Variants in ZNF385D observed in about 807,000 individuals in gnomAD.
ZNF385D encodes the protein zinc finger protein 385D.
A neutral mutation model predicts 35.8 loss-of-function variants in ZNF385D; 15 were observed. The observed-to-expected ratio is 0.42, with a 90% CI of 0.28 to 0.64. The LOEUF is 0.64. ZNF385D is among the 30% of genes least tolerant of loss of function. ZNF385D has a pLI of 0.23. For missense variants in ZNF385D, 474 were observed against 494.6 expected, an observed-to-expected ratio of 0.96 and a Z score of 0.39; for synonymous variants, 212 against 186.8, an observed-to-expected ratio of 1.13 and a Z score of -1.10.
intron 1 of ZNF385D, among the ~76,000 whole-genome samples, chr3:21,718,993 G>A (rs758201141): frequency 4.6e-5 from 7 of 152,006 alleles, no homozygotes; most frequent in African/African-American, 1.2e-4. Context: ...AATTTTAAGC[G>A]GCTACAAATT....
chr3:21,717,744 TTC>T (rs1351088244), intron 1 of ZNF385D, among the ~76,000 whole-genome samples: 1 of 152,206 alleles, frequency 6.6e-6, no homozygotes, highest in Non-Finnish European at 1.5e-5. Context: ...TTGGTTCTCA[TTC>T]TCTCTTATCT....
At position 22,038,335 on chromosome 3, in the gene ZNF385D, T is replaced by C. The variant is rs541182122; in HGVS notation, c.325+130482A>G. Among the ~76,000 whole-genome samples, 322 of 152,310 alleles carry C rather than the reference T, an allele frequency of 2.1e-3. 3 individuals carry two copies. The highest frequency in any genetic ancestry group is 7.3e-3 in the African/African-American group (303 of 41,580). ...TCATAATCCCTGGAGTCGAATTGCC[T>C]AGCTTAGAATACTGGCTTTCTCACT... On this transcript the variant is annotated intron_variant, in intron 3 of 5. Coordinates refer to the ZNF385D transcript ENST00000494108.
intron 3 of ZNF385D, among the ~76,000 whole-genome samples, chr3:22,075,027 A>T (rs1700397655): frequency 6.6e-6 from 1 of 151,900 alleles, no homozygotes; most frequent in African/African-American, 2.4e-5. Flanking sequence ...CCTCAATATT[A>T]ACTACATATT....
chr3:22,166,128 T>C (rs1706310449), intron 3 of ZNF385D, among the ~76,000 whole-genome samples: 1 of 152,110 alleles, frequency 6.6e-6, no homozygotes, highest in African/African-American at 2.4e-5. Context: ...ACCAAACCAA[T>C]ATGACCTAAG....
At chr3:21,775,369 A>G (rs142283489) in intron 3 of ZNF385D, among the ~76,000 whole-genome samples, 72 of 151,962 alleles carry the variant, frequency 4.7e-4, no homozygotes, top group African/African-American at 1.6e-3. Context: ...GAAAGTTATG[A>G]CCAGTGAGGA....
intron 2 of ZNF385D, among the ~76,000 whole-genome samples, chr3:21,632,166 G>A (rs532719338): frequency 8.6e-4 from 131 of 152,112 alleles, no homozygotes; most frequent in African/African-American, 3.0e-3. Context: ...AAAATGGGGG[G>A]AAACTTACAA....
At chr3:22,201,740 C>T (rs1237100415) in intron 2 of ZNF385D, among the ~76,000 whole-genome samples, 1 of 151,832 alleles carries the variant, frequency 6.6e-6, no homozygotes, top group African/African-American at 2.4e-5. Context: ...TGCATACATG[C>T]AGGAAGGCAT....
intron 4 of ZNF385D, among the ~76,000 whole-genome samples, chr3:21,475,417 T>C (rs796479363): frequency 1.9e-4 from 29 of 152,256 alleles, no homozygotes; most frequent in African/African-American, 6.3e-4. Context: ...TTCTCAAATA[T>C]CTAATGGCCC....
chr3:21,831,230 C>G (rs1200785354), intron 3 of ZNF385D, among the ~76,000 whole-genome samples: 1 of 151,998 alleles, frequency 6.6e-6, no homozygotes, highest in Non-Finnish European at 1.5e-5. Context: ...TCATTCCCTT[C>G]AAAATTTAAC....
chr3:21,987,251 T>C (rs1446497123), intron 3 of ZNF385D, among the ~76,000 whole-genome samples: 216 of 141,730 alleles, frequency 1.5e-3, no homozygotes, highest in Non-Finnish European at 2.4e-3. Context: ...TTGATGCAGT[T>C]TCTTCCTAGT....
chr3:21,589,414 C>A (rs13097809), intron 2 of ZNF385D, among the ~76,000 whole-genome samples: 32,501 of 152,004 alleles, frequency 0.21, 4,362 homozygotes, highest in Middle Eastern at 0.3. Flanking sequence ...GAATTTTGTA[C>A]CCTATACAAA....
chr3:22,056,270 A>T (rs1223903556), intron 3 of ZNF385D, among the ~76,000 whole-genome samples: 11 of 13,596 alleles, frequency 8.1e-4, no homozygotes, highest in Non-Finnish European at 6.7e-4. Context: ...AACTTAGAGT[A>T]TAATAAAAAA....
chr3:21,603,188 G>T (rs564018424), intron 2 of ZNF385D, among the ~76,000 whole-genome samples: 2 of 152,194 alleles, frequency 1.3e-5, no homozygotes, highest in African/African-American at 4.8e-5. Context: ...CTCTCTTAAA[G>T]AGGTATGTGA....
intron 3 of ZNF385D, among the ~76,000 whole-genome samples, chr3:21,823,411 C>A (rs1020102080): frequency 2.0e-5 from 3 of 150,542 alleles, no homozygotes; most frequent in African/African-American, 7.4e-5. Flanking sequence ...ATGTCCAGTG[C>A]ATGTGTATGC....
chr3:21,680,904 A>C (rs1038506743), intron 1 of ZNF385D, among the ~76,000 whole-genome samples: 2 of 152,178 alleles, frequency 1.3e-5, no homozygotes, highest in Non-Finnish European at 2.9e-5. Context: ...CCTTGTAGGC[A>C]AGCCCATAGT....
chr3:22,287,750 C>T (rs1702099198), intron 2 of ZNF385D, among the ~76,000 whole-genome samples: 1 of 151,942 alleles, frequency 6.6e-6, no homozygotes, highest in African/African-American at 2.4e-5. Flanking sequence ...AATAGTTTTT[C>T]CTTTTAGCCT....
intron 3 of ZNF385D, among the ~76,000 whole-genome samples, chr3:22,154,179 G>A (rs775316694): frequency 6.6e-6 from 1 of 152,124 alleles, no homozygotes; most frequent in Admixed American, 6.6e-5. Context: ...GCCCAGCTAA[G>A]GGCATTCTGC....
chr3:21,665,150 C>A (rs1177520406), intron 1 of ZNF385D, 122 bp from the exon 2 acceptor site: 3 of 1,276,990 alleles, frequency 2.3e-6, no homozygotes, highest in Admixed American at 3.1e-5. Flanking sequence ...GACATGGACT[C>A]TATTGACCTC....
intron 3 of ZNF385D, among the ~76,000 whole-genome samples, chr3:22,104,209 G>A (rs754466950): frequency 2.0e-5 from 3 of 152,074 alleles, no homozygotes; most frequent in African/African-American, 7.2e-5. Context: ...TCCAGCAGGT[G>A]CATCTGTGAA....
Sources: gnomAD v4.1 joint callset for allele counts (sites outside exome capture counted in the v4.1 genomes callset) on GRCh38, gnomAD v4.1.1 for gene constraint, MANE v1.5 for transcripts, NCBI Gene and HGNC (gene_info 2026-07-23, HGNC 2026-07-21) for gene names.